PCDHA10: variants seen among roughly 807,000 people sequenced by gnomAD.
PCDHA10 encodes the protein protocadherin alpha 10.
PCDHA10 carries 45 observed loss-of-function variants against 61.2 expected under a neutral mutation model. The ratio of observed to expected loss-of-function variants is 0.74; its 90% confidence interval spans 0.58 to 0.94. PCDHA10 has a LOEUF of 0.94. Among genes scored for constraint, PCDHA10 ranks in the 40% least tolerant of loss-of-function variants. The pLI is 0.00. For missense variants in PCDHA10, 1,278 were observed against 1,236.2 expected, an observed-to-expected ratio of 1.03 and a Z score of -0.51; for synonymous variants, 602 against 548.8, an observed-to-expected ratio of 1.10 and a Z score of -1.35.
At chr5:140,964,367 T>C (rs1269937571) in intron 1 of PCDHA10, among the ~76,000 whole-genome samples, 1 of 152,178 alleles carries the variant, frequency 6.6e-6, no homozygotes, top group Non-Finnish European at 1.5e-5. Context: ...ACAAGAGTGC[T>C]GAAAGGAGAG....
chr5:140,877,184 G>C (rs1554169429), intron 1 of PCDHA10: 1 of 1,613,842 alleles, frequency 6.2e-7, no homozygotes. Context: ...ACTCCGGCTG[G>C]CAGCGCAGGA....
In PCDHA10 at chr5:140,876,678, G is replaced by C. The variant is rs782561315; in HGVS notation, c.2388+18242G>C. ...CCTTCAAGCTGGTGTCCACCTACAA[G>C]AATTACTACTCGTTGGTGCTGGACA... On this transcript the variant is annotated intron_variant, in intron 1 of 3. Coordinates refer to ENST00000307360, the MANE Select transcript of PCDHA10 (RefSeq NM_018901.4). The C allele has an allele frequency of 1.9e-6, 3 of 1,614,100 alleles. No individual in the cohort carries two copies. In the East Asian group the frequency reaches 6.7e-5, roughly 36 times the overall value.
chr5:140,916,602 C>T (rs1554197542), intron 1 of PCDHA10, among the ~76,000 whole-genome samples: 2 of 152,240 alleles, frequency 1.3e-5, no homozygotes, highest in African/African-American at 2.4e-5. Context: ...GCCTGGAATG[C>T]GGGCCTCATG....
intron 1 of PCDHA10, among the ~76,000 whole-genome samples, chr5:140,903,933 A>G (rs1348730153): frequency 1.3e-5 from 2 of 152,220 alleles, no homozygotes; most frequent in East Asian, 1.9e-4. Context: ...ATTGGATAAT[A>G]CCTCTTAAAT....
rs781941638 is a variant in PCDHA10, at chr5:140,857,712, T to C, written c.1664T>C (p.Leu555Pro). The change falls in exon 1 of 4, where the codon CTG (leucine) becomes CCG (proline). Residue 555 changes from leucine to proline, a missense_variant. Leu to Pro is a moderately conservative substitution (Grantham distance 98). Coordinates refer to ENST00000307360, the MANE Select transcript of PCDHA10 (RefSeq NM_018901.4). ...AACTTGACGCTGCAGGTGTTCGTGC[T>C]GGACGAGAACGACAACGCTCCCGCG... Reference protein sequence around the residue: ...GSNLTLQVFVLDENDNAPALL... With the variant: ...GSNLTLQVFVPDENDNAPALL... 1.9e-6 allele frequency: 3 copies of C among 1,597,298 alleles called. No individual in the cohort carries two copies. The highest frequency in any genetic ancestry group is 1.7e-5 in the Admixed American group (1 of 59,280).
chr5:140,993,406 T>G (rs1382987714), intron 3 of PCDHA10, among the ~76,000 whole-genome samples: 2 of 150,884 alleles, frequency 1.3e-5, no homozygotes, highest in Non-Finnish European at 2.9e-5. Context: ...TTAACCACCT[T>G]CATCAGCATT....
At chr5:140,942,601 GT>G (rs1453167051) in intron 1 of PCDHA10, among the ~76,000 whole-genome samples, 1 of 130,480 alleles carries the variant, frequency 7.7e-6, no homozygotes, top group Non-Finnish European at 1.6e-5. Flanking sequence ...TAATTATAGT[GT>G]TTATATTTGC....
chr5:140,894,239 A>C (rs1323710769), intron 1 of PCDHA10, among the ~76,000 whole-genome samples: 11 of 152,028 alleles, frequency 7.2e-5, no homozygotes, highest in African/African-American at 2.2e-4. Flanking sequence ...ATGACAATGT[A>C]ATTTTCTTTT....
chr5:140,899,717 C>T (rs2153464993), intron 1 of PCDHA10, among the ~76,000 whole-genome samples: 1 of 152,322 alleles, frequency 6.6e-6, no homozygotes, highest in South Asian at 2.1e-4. Context: ...GGAGGATTCC[C>T]TCTTTTTCTA....
intron 1 of PCDHA10, among the ~76,000 whole-genome samples, chr5:140,911,469 A>T (rs1365800005): frequency 3.3e-5 from 5 of 151,880 alleles, no homozygotes; most frequent in African/African-American, 9.7e-5. Context: ...AGGAGATAAG[A>T]CTCTCACTCA....
chr5:140,935,995 C>T (rs1282709145), intron 1 of PCDHA10, among the ~76,000 whole-genome samples: 7 of 150,888 alleles, frequency 4.6e-5, no homozygotes, highest in South Asian at 2.1e-4. Context: ...CGGGTTCAAG[C>T]GATTCTCCCA....
intron 1 of PCDHA10, among the ~76,000 whole-genome samples, chr5:140,945,731 A>G (rs1021363337): frequency 2.6e-5 from 4 of 152,144 alleles, no homozygotes; most frequent in Non-Finnish European, 4.4e-5. Flanking sequence ...TACAATGGAA[A>G]AAGGACAGCC....
At chr5:140,870,720 G>T (rs544150374) in intron 1 of PCDHA10, 8 of 1,613,202 alleles carry the variant, frequency 5.0e-6, no homozygotes, top group Non-Finnish European at 6.8e-6. Flanking sequence ...CGCGCGATGC[G>T]GGCGTGCCGC....
intron 3 of PCDHA10, among the ~76,000 whole-genome samples, chr5:141,004,166 A>C (rs2098156060): frequency 6.6e-6 from 1 of 152,278 alleles, no homozygotes; most frequent in Non-Finnish European, 1.5e-5. Context: ...AGGCAAAGCC[A>C]GCCAAGTGTC....
At chr5:140,984,980 C>T (rs1206801991) in intron 3 of PCDHA10, among the ~76,000 whole-genome samples, 1 of 152,092 alleles carries the variant, frequency 6.6e-6, no homozygotes, top group African/African-American at 2.4e-5. Context: ...CTCTGTCCCC[C>T]AGGCTGGAGT....
intron 1 of PCDHA10, chr5:140,859,188 C>T (rs2045759773): frequency 6.7e-6 from 1 of 149,820 alleles, no homozygotes; most frequent in Non-Finnish European, 1.5e-5. Flanking sequence ...TTAGGCATTG[C>T]TTATGATATT....
intron 1 of PCDHA10, among the ~76,000 whole-genome samples, chr5:140,956,672 G>A (rs571890845): frequency 1.3e-5 from 2 of 152,242 alleles, no homozygotes; most frequent in Admixed American, 1.3e-4. Context: ...AAAGGAGTTA[G>A]GGAGGAGTAC....
chr5:140,957,709 A>T (rs1321290139), intron 1 of PCDHA10, among the ~76,000 whole-genome samples: 6 of 152,264 alleles, frequency 3.9e-5, no homozygotes, highest in Admixed American at 3.3e-4. Context: ...TGTAGTTTTT[A>T]TTAAGAAAGA....
In PCDHA10 at chr5:140,927,982, G is replaced by T. The variant is rs114786796; in HGVS notation, c.2389-50967G>T. 280 of 1,614,224 alleles carry T rather than the reference G, an allele frequency of 1.7e-4. No individual in the cohort carries two copies. The African/African-American group carries it at 3.0e-3, about 17-fold the overall frequency. On this transcript the variant is annotated intron_variant, in intron 1 of 3. Transcript: ENST00000307360. ...TGGCACAGTGATTGCTCTCTTTAGT[G>T]TAAAGGATGAAGACCTCGATTCTAA...
Sources: gnomAD v4.1 joint callset for allele counts (sites outside exome capture counted in the v4.1 genomes callset) on GRCh38, gnomAD v4.1.1 for gene constraint, MANE v1.5 for transcripts, NCBI Gene and HGNC (gene_info 2026-07-23, HGNC 2026-07-21) for gene names.